Variants in GPD1L observed in about 807,000 individuals in gnomAD.
GPD1L encodes the protein glycerol-3-phosphate dehydrogenase 1 like.
GPD1L carries 17 observed loss-of-function variants against 32.9 expected under a neutral mutation model. The observed-to-expected ratio is 0.52, with a 90% CI of 0.35 to 0.78. The LOEUF (loss-of-function observed/expected upper bound fraction) is 0.78, where lower values mean the gene tolerates loss of function less well. Ranked by LOEUF, GPD1L falls within the 30% of genes least tolerant of loss-of-function variation. The pLI is 0.01. For synonymous variants in GPD1L, 187 were observed against 165.9 expected (o/e 1.13, Z -0.98); for missense variants, 361 against 447.8 (o/e 0.81, Z 1.75).
Position 32,146,612 on chromosome 3 carries a change from C to T in GPD1L, c.506-10C>T. On this transcript the variant is annotated splice_polypyrimidine_tract_variant and intron_variant, in intron 4 of 7. Transcript: ENST00000282541. ...GTTATTAATATCCTTGTTGTCTAAC[C>T]TTTCAACAGGCAGCAAAGTAATGGA... is the stretch of plus-strand genomic sequence containing the variant. 1.3e-6 allele frequency: 2 copies of T among 1,530,516 alleles called. No individual in the cohort carries two copies. The highest frequency in any genetic ancestry group is 1.8e-6 in the Non-Finnish European group (2 of 1,103,906). 94.8% of individuals were successfully genotyped at this position (1,530,516 alleles called of 1,614,324 possible). A position where few individuals can be genotyped will look rare whatever the true frequency, so the allele number is the denominator to read the frequency against.
chr3:32,136,553 G>A (rs1559575805), intron 2 of GPD1L, among the ~76,000 whole-genome samples: 1 of 152,198 alleles, frequency 6.6e-6, no homozygotes, highest in Non-Finnish European at 1.5e-5. Flanking sequence ...CACACCTCCT[G>A]AAGGGATAAG....
intron 1 of GPD1L, among the ~76,000 whole-genome samples, chr3:32,127,240 A>T (rs560968474): frequency 1.3e-5 from 2 of 152,084 alleles, no homozygotes; most frequent in African/African-American, 4.8e-5. Flanking sequence ...GCGTTCTCTC[A>T]TTTGCTCCTC....
chr3:32,154,817 G>A (rs1033574986), intron 5 of GPD1L, among the ~76,000 whole-genome samples: 6 of 151,552 alleles, frequency 4.0e-5, no homozygotes, highest in Non-Finnish European at 7.4e-5. Flanking sequence ...GCATGATCTC[G>A]GCTCACTGCA....
intron 4 of GPD1L, among the ~76,000 whole-genome samples, chr3:32,143,541 AG>A (rs1700778190): frequency 6.6e-6 from 1 of 152,208 alleles, no homozygotes; most frequent in Non-Finnish European, 1.5e-5. Context: ...CAGAATAAAA[AG>A]GACTAAAGAT....
At chr3:32,108,024 C>T (rs1387105517) in intron 1 of GPD1L, among the ~76,000 whole-genome samples, 2 of 152,200 alleles carry the variant, frequency 1.3e-5, no homozygotes, top group Middle Eastern at 3.2e-3. Flanking sequence ...GCTGGGATTA[C>T]AGGTGTGAGC....
chr3:32,122,340 AG>A (rs1700434983), intron 1 of GPD1L, among the ~76,000 whole-genome samples: 2 of 152,216 alleles, frequency 1.3e-5, no homozygotes, highest in Admixed American at 6.5e-5. Flanking sequence ...AGCATGACTT[AG>A]GCAATTCATT....
intron 2 of GPD1L, among the ~76,000 whole-genome samples, chr3:32,134,775 A>G (rs1700641791): frequency 6.6e-6 from 1 of 152,212 alleles, no homozygotes; most frequent in African/African-American, 2.4e-5. Context: ...GGCATGAGCC[A>G]CTGAGCCTGG....
intron 2 of GPD1L, among the ~76,000 whole-genome samples, chr3:32,135,456 T>C (rs1451339975): frequency 6.7e-6 from 1 of 150,152 alleles, no homozygotes; most frequent in African/African-American, 2.5e-5. Flanking sequence ...TTGTTTGTTT[T>C]GTTTTGTTTT....
At chr3:32,156,391 C>A (rs773821086) in intron 5 of GPD1L, among the ~76,000 whole-genome samples, 1 of 152,212 alleles carries the variant, frequency 6.6e-6, no homozygotes, top group Non-Finnish European at 1.5e-5. Context: ...GAGAATTTTT[C>A]CACTTTTTCC....
chr3:32,114,100 C>A (rs141248540), intron 1 of GPD1L, among the ~76,000 whole-genome samples: 17 of 152,362 alleles, frequency 1.1e-4, no homozygotes, highest in Middle Eastern at 3.4e-3. Context: ...AGTGATCCTC[C>A]TGCCTTGGCC....
At chr3:32,152,436 G>A (rs2125494161) in intron 5 of GPD1L, among the ~76,000 whole-genome samples, 1 of 152,242 alleles carries the variant, frequency 6.6e-6, no homozygotes, top group Non-Finnish European at 1.5e-5. Context: ...CTGGAGGCTG[G>A]AAAATCCAGT....
intron 2 of GPD1L, among the ~76,000 whole-genome samples, chr3:32,131,966 G>T (rs563768297): frequency 6.6e-6 from 1 of 152,162 alleles, no homozygotes; most frequent in African/African-American, 2.4e-5. Flanking sequence ...TTGCCTGATG[G>T]CTAACCATGT....
At chr3:32,120,907 C>T (rs953076201) in intron 1 of GPD1L, among the ~76,000 whole-genome samples, 1 of 152,058 alleles carries the variant, frequency 6.6e-6, no homozygotes, top group African/African-American at 2.4e-5. Context: ...AGGCTGTGGA[C>T]AGAGTGAATG....
At position 32,167,759 on chromosome 3, in the gene GPD1L, T is replaced by G. The variant is rs1372502993; in HGVS notation, c.*1849T>G. ...TCAATGCCAGTTTAGGATTTCTTTTTTTCTATACCTTGAAATGATTATAAA... is the reference window on the plus strand; with the variant it reads ...TCAATGCCAGTTTAGGATTTCTTTTGTTCTATACCTTGAAATGATTATAAA... On this transcript the variant is annotated 3_prime_UTR_variant, in exon 8 of 8. Transcript: ENST00000282541. 2 of 152,390 alleles carry G rather than the reference T, an allele frequency of 1.3e-5. No homozygotes were observed. The highest frequency in any genetic ancestry group is 4.8e-5 in the African/African-American group (2 of 41,450). The allele number at this position is 152,390 out of a possible 1,614,324, so 9.4% of individuals were successfully genotyped here. A position where few individuals can be genotyped will look rare whatever the true frequency, so the allele number is the denominator to read the frequency against.
At chr3:32,144,766 AC>A (rs150042351) in intron 4 of GPD1L, among the ~76,000 whole-genome samples, 13,942 of 141,710 alleles carry the variant, frequency 0.098, 1,296 homozygotes, top group East Asian at 0.41. Flanking sequence ...GCTCACAGCA[AC>A]CTCCGCCCCC....
intron 1 of GPD1L, among the ~76,000 whole-genome samples, chr3:32,115,572 G>A (rs1440751965): frequency 2.0e-5 from 3 of 151,924 alleles, no homozygotes; most frequent in African/African-American, 2.4e-5. Context: ...ATGGGTTATA[G>A]GCAAAAAAAG....
intron 2 of GPD1L, among the ~76,000 whole-genome samples, chr3:32,128,882 G>A (rs1700550193): frequency 6.6e-6 from 1 of 152,206 alleles, no homozygotes; most frequent in Non-Finnish European, 1.5e-5. Flanking sequence ...TAATACAATG[G>A]TCTGTAATTA....
chr3:32,122,966 A>G (rs1700443429), intron 1 of GPD1L, among the ~76,000 whole-genome samples: 1 of 152,100 alleles, frequency 6.6e-6, no homozygotes. Context: ...TTGCGGTGGT[A>G]TGATCATGGC....
intron 1 of GPD1L, among the ~76,000 whole-genome samples, chr3:32,124,666 C>T (rs1006027964): frequency 1.3e-5 from 2 of 152,188 alleles, no homozygotes; most frequent in African/African-American, 4.8e-5. Context: ...TGGCTCATGC[C>T]TGTAATCCTA....
Sources: gnomAD v4.1 joint callset for allele counts (sites outside exome capture counted in the v4.1 genomes callset) on GRCh38, gnomAD v4.1.1 for gene constraint, MANE v1.5 for transcripts, NCBI Gene and HGNC (gene_info 2026-07-23, HGNC 2026-07-21) for gene names.